BRCA2: variants seen among roughly 807,000 people sequenced by gnomAD.
BRCA2 encodes the protein breast cancer type 2 susceptibility protein.
BRCA2 carries 203 observed loss-of-function variants against 276.7 expected under a neutral mutation model. The observed-to-expected ratio is 0.73, with a 90% CI of 0.65 to 0.82. The LOEUF (loss-of-function observed/expected upper bound fraction) is 0.82, where lower values mean the gene tolerates loss of function less well. Ranked by LOEUF, BRCA2 falls within the 40% of genes least tolerant of loss-of-function variation. BRCA2 has a pLI of 0.00. For missense variants in BRCA2, 3,920 were observed against 3,915.0 expected, an observed-to-expected ratio of 1.00 and a Z score of -0.03; for synonymous variants, 1,289 against 1,338.4, an observed-to-expected ratio of 0.96 and a Z score of 0.81.
At position 32,358,012 on chromosome 13, in the gene BRCA2, A is replaced by C. The variant is rs897893124; in HGVS notation, c.7805+83A>C. 2.7e-6 allele frequency: 4 copies of C among 1,475,724 alleles called. No individual in the cohort carries two copies. The Admixed American group carries it at 5.3e-5, about 19-fold the overall frequency. 91.4% of individuals were successfully genotyped at this position (1,475,724 alleles called of 1,614,324 possible). On this transcript the variant is annotated intron_variant, in intron 16 of 26. Coordinates refer to ENST00000380152, the MANE Select transcript of BRCA2 (RefSeq NM_000059.4). ...TTCTCTTAACTGTCTCTCGAACTAA[A>C]AAGTTGGCTAGAAATCAAATTTTTA...
chr13:32,336,457 T>C lies in BRCA2; in HGVS notation c.2102T>C (p.Phe701Ser), dbSNP rs1045996745. 2 of 1,614,016 alleles carry C rather than the reference T, an allele frequency of 1.2e-6. No homozygotes were observed. Among genetic ancestry groups the C allele is most frequent in the Non-Finnish European group, 1.7e-6 (2 of 1,179,984 alleles). ...AKCNKEKLQLFITPEADSLSC... is the reference protein window; with the variant it reads ...AKCNKEKLQLSITPEADSLSC... ...TGTAATAAGGAAAAACTACAGTTAT[T>C]TATTACCCCAGAAGCTGATTCTCTG... The change falls in exon 11 of 27, where the codon TTT becomes TCT. Residue 701 changes from phenylalanine (F) to serine (S), a missense_variant. Coordinates refer to ENST00000380152, the MANE Select transcript of BRCA2 (RefSeq NM_000059.4).
At position 32,332,515 on chromosome 13, in the gene BRCA2, A is replaced by G; in HGVS notation, c.1037A>G (p.Asn346Ser). Residue 346 changes from asparagine to serine, a missense_variant, in exon 10 of 27, where the codon AAC (asparagine) becomes AGC (serine). By Grantham distance (46) the Asn-to-Ser change is conservative. This residue lies in a region of BRCA2 where 3,263 missense variants were observed against 3,156.9 expected (regional missense o/e 1.03). Coordinates refer to ENST00000380152, the MANE Select transcript of BRCA2 (RefSeq NM_000059.4). ...ANADECEKSKNQVKEKYSFVS... is the reference protein window; with the variant it reads ...ANADECEKSKSQVKEKYSFVS... ...GCTGATGAATGTGAAAAATCTAAAA[A>G]CCAAGTGAAAGAAAAATACTCATTT... is the stretch of plus-strand genomic sequence containing the variant. The G allele has an allele frequency of 1.2e-6, 2 of 1,611,906 alleles. No homozygotes were observed. The highest frequency in any genetic ancestry group is 1.7e-6 in the Non-Finnish European group (2 of 1,179,484).
chr13:32,327,604 A>G (rs1438741259), intron 7 of BRCA2, among the ~76,000 whole-genome samples: 1 of 150,794 alleles, frequency 6.6e-6, no homozygotes, highest in Admixed American at 6.6e-5. Context: ...CGGGAGGCGG[A>G]TCTTGTAGTG....
At chr13:32,357,692 A>T in intron 15 of BRCA2, 50 bp from the exon 16 acceptor site, 1 of 1,564,170 alleles carries the variant, frequency 6.4e-7, no homozygotes, top group Non-Finnish European at 8.8e-7. Flanking sequence ...TGTGTGATAC[A>T]TGTTTACTTT....
intron 16 of BRCA2, among the ~76,000 whole-genome samples, chr13:32,359,505 A>G (rs2072724785): frequency 6.6e-6 from 1 of 152,198 alleles, no homozygotes; most frequent in Non-Finnish European, 1.5e-5. Context: ...TCAGAGATAT[A>G]TTACATTATG....
chr13:32,336,002 C>T (rs1252856494), intron 10 of BRCA2, among the ~76,000 whole-genome samples: 1 of 152,152 alleles, frequency 6.6e-6, no homozygotes, highest in African/African-American at 2.4e-5. Flanking sequence ...GCACCTCACC[C>T]TCCTGAGTAA....
Position 32,379,307 on chromosome 13 carries a change from A to G in BRCA2, c.8755-10A>G, listed in dbSNP as rs1593936468. On this transcript the variant is annotated splice_polypyrimidine_tract_variant and intron_variant, in intron 21 of 26. Coordinates refer to ENST00000380152, the MANE Select transcript of BRCA2 (RefSeq NM_000059.4). ...ATTGCTTTTTATTCCAATATCTTAA[A>G]TGGTCACAGGGTTATTTCAGTGAAG... The G allele has an allele frequency of 6.2e-7, 1 of 1,613,272 alleles. No homozygotes were observed. The highest frequency in any genetic ancestry group is 8.5e-7 in the Non-Finnish European group (1 of 1,179,540).
chr13:32,385,534 C>G (rs1050018131), intron 24 of BRCA2: 1 of 230,658 alleles, frequency 4.3e-6, no homozygotes, highest in Non-Finnish European at 9.4e-6. Context: ...TGCCTTCCTG[C>G]ATCACCATAT....
intron 12 of BRCA2, among the ~76,000 whole-genome samples, chr13:32,345,576 GA>G (rs2072605515): frequency 6.6e-6 from 1 of 151,924 alleles, no homozygotes; most frequent in Non-Finnish European, 1.5e-5. Flanking sequence ...TTTGTCCTTA[GA>G]GTATATAGGT....
intron 2 of BRCA2, 49 bp downstream of exon 2, chr13:32,316,576 T>A (rs1424465113): frequency 6.5e-7 from 1 of 1,532,226 alleles, no homozygotes; most frequent in Non-Finnish European, 9.0e-7. Context: ...AGAAAGTGTT[T>A]TCTAAAAAAT....
chr13:32,370,599 T>C lies in BRCA2; in HGVS notation c.8487+42T>C, dbSNP rs2072824594. ...AAACTTACCATATATTTCTTTCTTT[T>C]GATACAATTAATTTGTTTGTTTGTT... On this transcript the variant is annotated intron_variant, in intron 19 of 26. Transcript: ENST00000380152. 2.5e-6 allele frequency: 4 copies of C among 1,581,750 alleles called. No homozygotes were observed. The South Asian group carries it at 4.4e-5, about 18-fold the overall frequency.
Position 32,333,881 on chromosome 13 carries a change from C to T in BRCA2, c.1909+494C>T, listed in dbSNP as rs752754916. Among the ~76,000 whole-genome samples, 105 of 152,288 alleles carry T rather than the reference C, an allele frequency of 6.9e-4. 1 individual carries two copies. The Middle Eastern group carries it at 0.02, about 30-fold the overall frequency. On this transcript the variant is annotated intron_variant, in intron 10 of 26. Coordinates refer to ENST00000380152, the MANE Select transcript of BRCA2 (RefSeq NM_000059.4). Reference sequence around the variant, plus strand: ...GTGAGAACATGTGATGTTTAGTTTTCTGTTCCTGCATTAGTTTGCTTAGGA... The same window carrying T: ...GTGAGAACATGTGATGTTTAGTTTTTTGTTCCTGCATTAGTTTGCTTAGGA...
chr13:32,355,039 T>C lies in BRCA2; in HGVS notation c.7186T>C (p.Leu2396=), dbSNP rs1593917990. 6.2e-7 allele frequency: 1 copy of C among 1,614,082 alleles called. No homozygotes were observed. ...SATRNEKMRH[L]ITTGRPTKVF... is the part of the protein sequence containing the mutation. Reference sequence around the variant, plus strand: ...TACAAGAAATGAAAAAATGAGACACTTGATTACTACAGGCAGACCAACCAA... The same window carrying C: ...TACAAGAAATGAAAAAATGAGACACCTGATTACTACAGGCAGACCAACCAA... The change falls in exon 14 of 27, where the codon TTG becomes CTG. Residue 2396 remains leucine, a synonymous_variant. Transcript: ENST00000380152.
chr13:32,388,844 A>C (rs893175311), intron 24 of BRCA2, among the ~76,000 whole-genome samples: 1 of 152,112 alleles, frequency 6.6e-6, no homozygotes, highest in Admixed American at 6.5e-5. Context: ...ATAAATTTTT[A>C]TCCACTCTTT....
intron 1 of BRCA2, among the ~76,000 whole-genome samples, 197 bp from the exon 2 acceptor site, chr13:32,316,225 G>A (rs375129015): frequency 1.3e-5 from 2 of 152,186 alleles, no homozygotes; most frequent in African/African-American, 4.8e-5. Context: ...CGTTTCGAGT[G>A]CTTAATGTGG....
In BRCA2 at chr13:32,339,165, C is replaced by T. The variant is rs773591333; in HGVS notation, c.4810C>T (p.Leu1604Phe). The T allele has an allele frequency of 6.2e-7, 1 of 1,613,840 alleles. No homozygotes were observed. The highest frequency in any genetic ancestry group is 8.5e-7 in the Non-Finnish European group (1 of 1,179,856). The change falls in exon 11 of 27, where the codon CTT becomes TTT. Residue 1604 changes from leucine to phenylalanine, a missense_variant. This residue lies in a region of BRCA2 where 3,263 missense variants were observed against 3,156.9 expected (regional missense o/e 1.03). Transcript: ENST00000380152. ...GAATTCTCTCAATAATGATAAAAACCTTGTTTCTATTGAGACTGTGGTGCC... is the reference window on the plus strand; with the variant it reads ...GAATTCTCTCAATAATGATAAAAACTTTGTTTCTATTGAGACTGTGGTGCC... ...MQNSLNNDKN[L>F]VSIETVVPPK...
chr13:32,370,773 G>T (rs1326095359), intron 19 of BRCA2, among the ~76,000 whole-genome samples, 183 bp from the exon 20 acceptor site: 1 of 151,990 alleles, frequency 6.6e-6, no homozygotes, highest in Non-Finnish European at 1.5e-5. Context: ...TTGTATTTTT[G>T]GTAGAGAAGG....
intron 16 of BRCA2, among the ~76,000 whole-genome samples, chr13:32,359,146 C>T (rs1021707655): frequency 2.0e-5 from 3 of 147,638 alleles, no homozygotes; most frequent in African/African-American, 7.5e-5. Flanking sequence ...CGTTTGAACC[C>T]GGGAGGCGGA....
intron 3 of BRCA2, among the ~76,000 whole-genome samples, chr13:32,321,485 T>C (rs1593884026): frequency 6.6e-6 from 1 of 152,206 alleles, no homozygotes; most frequent in East Asian, 1.9e-4. Flanking sequence ...TCTTGAAAGA[T>C]ATACCTAAGG....
Sources: allele counts gnomAD v4.1 joint callset (sites outside exome capture counted in the v4.1 genomes callset), GRCh38; gene constraint gnomAD v4.1.1; regional missense constraint gnomAD v4.1.1; transcripts MANE v1.5; gene names NCBI Gene and HGNC (gene_info 2026-07-23, HGNC 2026-07-21).